PTPRT: variants seen among roughly 807,000 people sequenced by gnomAD.
The protein encoded by PTPRT is protein tyrosine phosphatase receptor type T.
A neutral mutation model predicts 176.8 loss-of-function variants in PTPRT; 56 were observed. The observed-to-expected ratio is 0.32, with a 90% CI of 0.26 to 0.40. The LOEUF is 0.40. Among genes scored for constraint, PTPRT ranks in the 10% least tolerant of loss-of-function variants. The probability of loss-of-function intolerance (pLI) is 1.00; values close to 1 mark genes in which losing one functional copy is unlikely to be tolerated. For missense variants in PTPRT, 1,540 were observed against 1,908.2 expected (o/e 0.81, Z 3.60); for synonymous variants, 783 against 739.0 (o/e 1.06, Z -0.96).
intron 5 of PTPRT, among the ~76,000 whole-genome samples, chr20:42,766,484 T>C (rs1299193171): frequency 2.0e-5 from 3 of 152,240 alleles, no homozygotes; most frequent in South Asian, 2.1e-4. Flanking sequence ...GAACTTGTAC[T>C]GTAATTCCAC....
chr20:42,821,822 G>T (rs533959462), intron 2 of PTPRT, among the ~76,000 whole-genome samples: 49 of 152,196 alleles, frequency 3.2e-4, no homozygotes, highest in African/African-American at 1.2e-3. Context: ...TTGCTACAAA[G>T]ATAATAAAAC....
intron 6 of PTPRT, among the ~76,000 whole-genome samples, chr20:42,682,890 A>T (rs753452056): frequency 1.2e-4 from 18 of 152,212 alleles, no homozygotes; most frequent in Non-Finnish European, 1.6e-4. Context: ...ACTCCCTAGA[A>T]ATTCCTACAG....
At chr20:42,242,677 G>A (rs1010203615) in intron 14 of PTPRT, among the ~76,000 whole-genome samples, 3 of 152,170 alleles carry the variant, frequency 2.0e-5, no homozygotes, top group African/African-American at 7.2e-5. Context: ...TAGGAGACTT[G>A]TCAGAAAAAC....
intron 1 of PTPRT, among the ~76,000 whole-genome samples, chr20:42,994,314 C>T (rs1451680753): frequency 1.3e-5 from 2 of 152,330 alleles, no homozygotes; most frequent in South Asian, 2.1e-4. Flanking sequence ...AACTCAGAGA[C>T]CAAATGTCAA....
intron 2 of PTPRT, among the ~76,000 whole-genome samples, chr20:42,846,455 C>T (rs1174653674): frequency 6.6e-6 from 1 of 152,156 alleles, no homozygotes; most frequent in African/African-American, 2.4e-5. Context: ...ACCAGATGTT[C>T]GCCATGGCTG....
At chr20:43,184,196 C>T (rs77913213) in intron 1 of PTPRT, among the ~76,000 whole-genome samples, 377 of 152,286 alleles carry the variant, frequency 2.5e-3, no homozygotes, top group African/African-American at 8.4e-3. Flanking sequence ...CTCCAGGGGA[C>T]GTGTTTGTGT....
chr20:42,873,139 G>T (rs2078873002), intron 2 of PTPRT, among the ~76,000 whole-genome samples: 2 of 152,156 alleles, frequency 1.3e-5, no homozygotes, highest in Admixed American at 6.5e-5. Flanking sequence ...AGTCAACAGA[G>T]CAAGGCAGAG....
At chr20:42,257,309 AG>A (rs1193212141) in intron 13 of PTPRT, among the ~76,000 whole-genome samples, 2 of 152,238 alleles carry the variant, frequency 1.3e-5, no homozygotes, top group Non-Finnish European at 2.9e-5. Context: ...TGGAAACAGA[AG>A]GGTCAAGATA....
intron 11 of PTPRT, among the ~76,000 whole-genome samples, chr20:42,348,619 G>A (rs2058231796): frequency 6.6e-6 from 1 of 152,016 alleles, no homozygotes; most frequent in Non-Finnish European, 1.5e-5. Context: ...ACAATGTTGC[G>A]AGAATACAGG....
intron 7 of PTPRT, among the ~76,000 whole-genome samples, chr20:42,475,519 C>A (rs1242841837): frequency 1.3e-5 from 2 of 152,118 alleles, no homozygotes; most frequent in Admixed American, 1.3e-4. Context: ...GTTTTCTCAG[C>A]ACCTTGACGC....
intron 15 of PTPRT, among the ~76,000 whole-genome samples, chr20:42,224,199 C>T (rs1600698494): frequency 6.6e-6 from 1 of 152,188 alleles, no homozygotes; most frequent in South Asian, 2.1e-4. Flanking sequence ...GGGATAGAGG[C>T]TTCTGAACAC....
the PTPRT span, among the ~76,000 whole-genome samples, chr20:42,049,833 G>T: frequency 4.5e-4 from 68 of 152,326 alleles, no homozygotes; most frequent in South Asian, 1.2e-3. Context: ...GGAAAGAACC[G>T]AGATGGCTCC....
intron 1 of PTPRT, among the ~76,000 whole-genome samples, chr20:42,923,237 T>C (rs974011092): frequency 1.3e-5 from 2 of 152,050 alleles, no homozygotes; most frequent in South Asian, 4.1e-4. Context: ...GTGACATAAA[T>C]AAGCAAAGCC....
At chr20:42,569,391 C>G (rs370251878) in intron 7 of PTPRT, among the ~76,000 whole-genome samples, 1 of 151,814 alleles carries the variant, frequency 6.6e-6, no homozygotes, top group South Asian at 2.1e-4. Context: ...GAGTCCTGCA[C>G]GCAGTAGCTG....
intron 1 of PTPRT, among the ~76,000 whole-genome samples, chr20:43,121,600 T>C (rs2013262065): frequency 6.6e-6 from 1 of 152,216 alleles, no homozygotes; most frequent in South Asian, 2.1e-4. Context: ...ATGCTTAGTG[T>C]CCATTTGAAT....
At chr20:42,904,474 G>A (rs2079448093) in intron 1 of PTPRT, among the ~76,000 whole-genome samples, 1 of 152,150 alleles carries the variant, frequency 6.6e-6, no homozygotes, top group Admixed American at 6.5e-5. Flanking sequence ...AATGGATCTG[G>A]CTGGAAGCTC....
intron 7 of PTPRT, among the ~76,000 whole-genome samples, chr20:42,516,865 A>G (rs6030299): frequency 0.019 from 2,863 of 152,274 alleles, 102 homozygotes; most frequent in African/African-American, 0.066. Context: ...ATAATAAGCT[A>G]GCATTCTGAG....
intron 17 of PTPRT, among the ~76,000 whole-genome samples, chr20:42,156,190 T>C (rs1193124640): frequency 6.6e-6 from 1 of 152,206 alleles, no homozygotes; most frequent in Non-Finnish European, 1.5e-5. Flanking sequence ...CACTGGCTAT[T>C]TACCTTTAGG....
At chr20:42,415,400 C>CGG (rs947985612) in intron 9 of PTPRT, among the ~76,000 whole-genome samples, 15 of 151,598 alleles carry the variant, frequency 9.9e-5, no homozygotes, top group African/African-American at 3.6e-4. Context: ...TTTGTAGATA[C>CGG]GGGGTTTCAC....
Sources: gnomAD v4.1 joint callset for allele counts (sites outside exome capture counted in the v4.1 genomes callset) on GRCh38, gnomAD v4.1.1 for gene constraint, MANE v1.5 for transcripts, NCBI Gene and HGNC (gene_info 2026-07-23, HGNC 2026-07-21) for gene names.